Variants in DNAJC13 observed in about 807,000 individuals in gnomAD.
The protein encoded by DNAJC13 is DnaJ heat shock protein family (Hsp40) member C13.
Under a neutral mutation model 290.5 loss-of-function variants are expected in DNAJC13, and 75 were observed. That is an observed-to-expected ratio of 0.26 (90% CI 0.21 to 0.31). The LOEUF (loss-of-function observed/expected upper bound fraction) is 0.31. DNAJC13 is among the 10% of genes least tolerant of loss of function. DNAJC13 has a pLI of 1.00. For missense variants in DNAJC13, 2,260 were observed against 2,674.5 expected, an observed-to-expected ratio of 0.85 and a Z score of 3.42; for synonymous variants, 862 against 892.0, an observed-to-expected ratio of 0.97 and a Z score of 0.60.
At chr3:132,422,177 C>T (rs377102909) in intron 1 of DNAJC13, among the ~76,000 whole-genome samples, 20 of 151,736 alleles carry the variant, frequency 1.3e-4, no homozygotes, top group East Asian at 5.8e-4. Flanking sequence ...GCCATAGGCA[C>T]GCCATGCCCA....
chr3:132,496,326 G>A (rs1019059505), intron 35 of DNAJC13, among the ~76,000 whole-genome samples: 2 of 151,892 alleles, frequency 1.3e-5, no homozygotes, highest in African/African-American at 4.8e-5. Context: ...TCAGTAAATG[G>A]TATTGAGATC....
intron 55 of DNAJC13, among the ~76,000 whole-genome samples, chr3:132,536,971 G>T (rs764247261): frequency 6.6e-6 from 1 of 152,126 alleles, no homozygotes; most frequent in Non-Finnish European, 1.5e-5. Flanking sequence ...AGTCATCTCT[G>T]CCTATGTATC....
chr3:132,493,688 C>T (rs1386707223), intron 33 of DNAJC13, among the ~76,000 whole-genome samples: 1 of 151,896 alleles, frequency 6.6e-6, no homozygotes, highest in African/African-American at 2.4e-5. Context: ...GCTAGCATAC[C>T]CATAATTATG....
intron 2 of DNAJC13, among the ~76,000 whole-genome samples, chr3:132,442,106 T>A (rs1020773787): frequency 1.4e-5 from 2 of 148,044 alleles, no homozygotes; most frequent in African/African-American, 5.0e-5. Flanking sequence ...TAAAAAAAAA[T>A]CATGCTATAA....
At chr3:132,425,085 A>G (rs549016210) in intron 1 of DNAJC13, among the ~76,000 whole-genome samples, 11 of 152,252 alleles carry the variant, frequency 7.2e-5, no homozygotes, top group East Asian at 5.8e-4. Context: ...ATCTAGTGCT[A>G]TGATTTACTC....
At chr3:132,423,831 A>AG (rs1342240246) in intron 1 of DNAJC13, among the ~76,000 whole-genome samples, 1 of 152,226 alleles carries the variant, frequency 6.6e-6, no homozygotes, top group African/African-American at 2.4e-5. Flanking sequence ...TTAAAAGCTT[A>AG]GGAAATTTAG....
intron 28 of DNAJC13, 116 bp downstream of exon 28, chr3:132,483,693 G>C: frequency 9.4e-7 from 1 of 1,061,018 alleles, no homozygotes; most frequent in Non-Finnish European, 1.3e-6. Flanking sequence ...GAGGAATGCT[G>C]TTTTGACCTT....
intron 55 of DNAJC13, among the ~76,000 whole-genome samples, chr3:132,536,217 C>T (rs1364428244): frequency 6.6e-6 from 1 of 152,158 alleles, no homozygotes; most frequent in East Asian, 1.9e-4. Flanking sequence ...ATTTAAAATA[C>T]CCAGCAGTTA....
At chr3:132,492,045 G>A (rs1356735427) in intron 32 of DNAJC13, among the ~76,000 whole-genome samples, 4 of 152,122 alleles carry the variant, frequency 2.6e-5, no homozygotes, top group African/African-American at 9.7e-5. Flanking sequence ...ACTACAGTAA[G>A]TTAATTGAAA....
intron 54 of DNAJC13, among the ~76,000 whole-genome samples, chr3:132,530,095 C>T (rs1003268165): frequency 1.3e-5 from 2 of 152,298 alleles, no homozygotes; most frequent in African/African-American, 4.8e-5. Flanking sequence ...AACTCCCCTA[C>T]CAGCTTTACA....
intron 1 of DNAJC13, among the ~76,000 whole-genome samples, chr3:132,427,533 A>C (rs890077612): frequency 6.6e-6 from 1 of 152,232 alleles, no homozygotes; most frequent in African/African-American, 2.4e-5. Flanking sequence ...CCTCATGTAC[A>C]TCATTCAGTT....
rs1443536676 is a variant in DNAJC13 at position 132,454,101 on chromosome 3, A to G, written c.876A>G (p.Gln292=). 2.2e-5 allele frequency: 35 copies of G among 1,608,200 alleles called. No homozygotes were observed. Among genetic ancestry groups the G allele is most frequent in the Non-Finnish European group, 2.9e-5 (34 of 1,178,390 alleles). ...FALVCDSENP[Q]LFTIEFIKGQ... The stretch of plus-strand genomic sequence containing the variant: ...TGGTCTGTGACTCAGAAAATCCACA[A>G]CTTTTTACCATTGAATTTATAAAAG... The change falls in exon 9 of 56, where the codon CAA becomes CAG. Residue 292 remains glutamine, a synonymous_variant. Coordinates refer to ENST00000260818, the MANE Select transcript of DNAJC13 (RefSeq NM_015268.4).
At chr3:132,462,607 C>A in intron 16 of DNAJC13, 84 bp downstream of exon 16, 1 of 941,302 alleles carries the variant, frequency 1.1e-6, no homozygotes, top group Non-Finnish European at 1.6e-6. Flanking sequence ...GCCTTTCAGT[C>A]TTTTTGGGAA....
At chr3:132,523,021 T>C (rs1426880939) in intron 49 of DNAJC13, 24 bp downstream of exon 49, 2 of 1,603,698 alleles carry the variant, frequency 1.2e-6, no homozygotes, top group East Asian at 4.5e-5. Flanking sequence ...AAGGTAATAA[T>C]TTATAGCCTT....
chr3:132,452,180 G>A (rs927505793), intron 6 of DNAJC13, among the ~76,000 whole-genome samples: 9 of 152,142 alleles, frequency 5.9e-5, no homozygotes, highest in African/African-American at 1.9e-4. Flanking sequence ...GAATAATAAG[G>A]TAAACGTTAA....
chr3:132,471,088 C>A (rs1161586013), intron 20 of DNAJC13, among the ~76,000 whole-genome samples: 2 of 138,560 alleles, frequency 1.4e-5, no homozygotes, highest in East Asian at 4.5e-4. Flanking sequence ...ACCTCCCTCC[C>A]GGACGGGGCG....
chr3:132,516,657 G>A lies in DNAJC13; in HGVS notation c.5561-47G>A, dbSNP rs140233187. The A allele has an allele frequency of 1.3e-5, 20 of 1,560,696 alleles. No individual in the cohort carries two copies. The East Asian group carries it at 3.2e-4, about 25-fold the overall frequency. ...TATGGTTGAAAATGAATTCTGATTAGAAAAGTCAAATTCTTTATAAGCACT... is the reference window on the plus strand; with the variant it reads ...TATGGTTGAAAATGAATTCTGATTAAAAAAGTCAAATTCTTTATAAGCACT... On this transcript the variant is annotated intron_variant, in intron 47 of 55. Transcript: ENST00000260818.
At chr3:132,451,280 G>A (rs1933407571) in intron 6 of DNAJC13, among the ~76,000 whole-genome samples, 1 of 151,996 alleles carries the variant, frequency 6.6e-6, no homozygotes. Context: ...TGGCAACATA[G>A]TGAGACCTTG....
intron 43 of DNAJC13, among the ~76,000 whole-genome samples, chr3:132,509,584 T>A (rs961418300): frequency 2.6e-5 from 4 of 152,342 alleles, no homozygotes; most frequent in Middle Eastern, 3.4e-3. Flanking sequence ...GGATAAAATG[T>A]TGTCAAACAG....
Sources: allele counts gnomAD v4.1 joint callset (sites outside exome capture counted in the v4.1 genomes callset), GRCh38; gene constraint gnomAD v4.1.1; transcripts MANE v1.5; gene names NCBI Gene and HGNC (gene_info 2026-07-23, HGNC 2026-07-21).